The following PAGE2B variants were observed in gnomAD, a reference collection of about 807,000 sequenced individuals.
PAGE2B encodes the protein putative G antigen family E member 3.
A neutral mutation model predicts 7.6 loss-of-function variants in PAGE2B; 5 were observed. The ratio of observed to expected loss-of-function variants is 0.66; its 90% CI spans 0.34 to 1.38. PAGE2B has a LOEUF of 1.38. Among genes scored for constraint, PAGE2B ranks in the 40% most tolerant of loss-of-function variants. PAGE2B has a pLI of 0.04. For missense variants in PAGE2B, 70 were observed against 78.4 expected (o/e 0.89, Z 0.41); for synonymous variants, 29 against 26.7 (o/e 1.09, Z -0.27).
chrX:55,032,539 C>T, the PAGE2B span, among the ~76,000 whole-genome samples: 5 of 111,208 alleles, frequency 4.5e-5, no homozygotes, highest in African/African-American at 1.6e-4. Flanking sequence ...TCACCCAAGT[C>T]ACCAAGTCAC....
the PAGE2B span, chrX:55,044,724 C>T: frequency 1.8e-5 from 2 of 111,935 alleles, no homozygotes; most frequent in Non-Finnish European, 3.8e-5. Flanking sequence ...GTCATAGTAT[C>T]TACTACAATG....
At chrX:55,047,525 G>A in the PAGE2B span, among the ~76,000 whole-genome samples, 1 of 111,695 alleles carries the variant, frequency 9.0e-6, no homozygotes, top group East Asian at 2.8e-4. Context: ...CTAGTTTCCA[G>A]TCCCACCAAC....
At chrX:55,057,505 T>G in the PAGE2B span, among the ~76,000 whole-genome samples, 1 of 111,621 alleles carries the variant, frequency 9.0e-6, no homozygotes, top group Non-Finnish European at 1.9e-5. Flanking sequence ...CGCCTTCCAT[T>G]CTCACTGCTG....
chrX:55,071,175 A>T (rs140204012), upstream of PAGE2B, among the ~76,000 whole-genome samples: 732 of 110,763 alleles, frequency 6.6e-3, 5 homozygotes, highest in African/African-American at 0.022. Flanking sequence ...TTTTTTTTGC[A>T]GTAGCTGGTA....
chrX:55,045,280 A>G, the PAGE2B span, among the ~76,000 whole-genome samples: 1 of 111,400 alleles, frequency 9.0e-6, no homozygotes, highest in Admixed American at 9.6e-5. Flanking sequence ...TCTCGTGGAT[A>G]TTATTTCAGG....
At chrX:55,065,790 C>T in the PAGE2B span, among the ~76,000 whole-genome samples, 1 of 111,978 alleles carries the variant, frequency 8.9e-6, no homozygotes, top group African/African-American at 3.2e-5. Context: ...TGACAACTTA[C>T]CACTGATTGC....
At chrX:55,041,154 T>C in the PAGE2B span, among the ~76,000 whole-genome samples, 1 of 101,024 alleles carries the variant, frequency 9.9e-6, no homozygotes, top group Non-Finnish European at 2.0e-5. Flanking sequence ...TGATCTCGGC[T>C]CACTGCAGTC....
At chrX:55,070,957 A>G (rs1411301638), upstream of PAGE2B, among the ~76,000 whole-genome samples, 2 of 111,409 alleles carry the variant, frequency 1.8e-5, no homozygotes, top group East Asian at 2.8e-4. Flanking sequence ...TCCTGAACAC[A>G]GCACACTGAT....
At chrX:55,030,876 G>A in the PAGE2B span, 1 of 321,388 alleles carries the variant, frequency 3.1e-6, no homozygotes, top group Admixed American at 3.4e-5. Context: ...GAGAGTCAGT[G>A]TGTACAGCCC....
chrX:55,058,203 A>G, the PAGE2B span, among the ~76,000 whole-genome samples: 2 of 110,670 alleles, frequency 1.8e-5, no homozygotes, highest in Admixed American at 1.9e-4. Flanking sequence ...AGTTAATGTG[A>G]ACCTGCATTT....
At chrX:55,069,822 A>G in the PAGE2B span, among the ~76,000 whole-genome samples, 1 of 111,353 alleles carries the variant, frequency 9.0e-6, no homozygotes, top group Admixed American at 9.5e-5. Context: ...TTTCTAGTTT[A>G]TTTGCGTAGA....
chrX:55,069,976 A>AT, the PAGE2B span, among the ~76,000 whole-genome samples: 1 of 109,188 alleles, frequency 9.2e-6, no homozygotes. Context: ...TATTTTATTG[A>AT]TTTTTTCAAG....
chrX:55,029,844 C>T, the PAGE2B span, among the ~76,000 whole-genome samples: 1 of 111,305 alleles, frequency 9.0e-6, no homozygotes, highest in East Asian at 2.8e-4. Context: ...CTTTAAAATC[C>T]TCTCTTGTGT....
chrX:55,034,112 T>G, the PAGE2B span, among the ~76,000 whole-genome samples: 2 of 111,885 alleles, frequency 1.8e-5, no homozygotes, highest in East Asian at 5.6e-4. Context: ...CTTTGTTGGG[T>G]TACTTCCTGA....
chrX:55,036,469 C>A, the PAGE2B span, among the ~76,000 whole-genome samples: 83 of 111,118 alleles, frequency 7.5e-4, no homozygotes, highest in African/African-American at 2.5e-3. Flanking sequence ...TTTTGAGATA[C>A]ATCCCATCAA....
the PAGE2B span, among the ~76,000 whole-genome samples, chrX:55,046,427 T>C: frequency 8.9e-6 from 1 of 111,854 alleles, no homozygotes; most frequent in South Asian, 3.7e-4. Flanking sequence ...AATTGAGTCT[T>C]AAAGGACAAG....
the PAGE2B span, among the ~76,000 whole-genome samples, chrX:55,028,388 G>C: frequency 3.6e-5 from 4 of 111,086 alleles, no homozygotes; most frequent in Non-Finnish European, 7.6e-5. Flanking sequence ...AAGGCTCCAG[G>C]CTCCTGTAAA....
At chrX:55,056,185 C>A in the PAGE2B span, among the ~76,000 whole-genome samples, 1 of 111,401 alleles carries the variant, frequency 9.0e-6, no homozygotes, top group Non-Finnish European at 1.9e-5. Flanking sequence ...CCCCTCCTTT[C>A]AATTACTCTG....
At chrX:55,049,018 G>A in the PAGE2B span, among the ~76,000 whole-genome samples, 1 of 111,578 alleles carries the variant, frequency 9.0e-6, no homozygotes, top group Non-Finnish European at 1.9e-5. Context: ...AGCATGAAGG[G>A]TTGTTGAATT....
Sources: allele counts gnomAD v4.1 joint callset (sites outside exome capture counted in the v4.1 genomes callset), GRCh38; gene constraint gnomAD v4.1.1; transcripts MANE v1.5; gene names NCBI Gene and HGNC (gene_info 2026-07-23, HGNC 2026-07-21).